SLC39A11: variants seen among roughly 807,000 people sequenced by gnomAD.
SLC39A11 encodes solute carrier family 39 member 11.
A neutral mutation model predicts 36.1 loss-of-function variants in SLC39A11; 33 were observed. That is an observed-to-expected ratio of 0.91 (90% CI 0.69 to 1.22). SLC39A11 has a LOEUF of 1.22. Ranked by LOEUF, SLC39A11 falls within the 50% of genes most tolerant of loss-of-function variation. SLC39A11 has a pLI of 0.00. For missense variants in SLC39A11, 432 were observed against 430.3 expected, an observed-to-expected ratio of 1.00 and a Z score of -0.03; for synonymous variants, 166 against 170.3, an observed-to-expected ratio of 0.97 and a Z score of 0.20.
At chr17:72,792,481 T>C (rs531281122) in intron 6 of SLC39A11, among the ~76,000 whole-genome samples, 108 of 152,304 alleles carry the variant, frequency 7.1e-4, no homozygotes, top group African/African-American at 2.4e-3. Flanking sequence ...AGCTAAGTCT[T>C]TGAGGTTTTG....
At chr17:72,742,437 G>A (rs1229573878) in intron 6 of SLC39A11, among the ~76,000 whole-genome samples, 2 of 152,154 alleles carry the variant, frequency 1.3e-5, no homozygotes, top group Non-Finnish European at 2.9e-5. Context: ...GAGGAGTCCA[G>A]GATTTACAAG....
chr17:72,975,505 T>G (rs1274181514), intron 4 of SLC39A11, among the ~76,000 whole-genome samples: 1 of 152,184 alleles, frequency 6.6e-6, no homozygotes, highest in Non-Finnish European at 1.5e-5. Context: ...CCTCACCCCT[T>G]CCGCCATGTA....
intron 5 of SLC39A11, among the ~76,000 whole-genome samples, chr17:72,932,449 C>T (rs1336069573): frequency 1.3e-5 from 2 of 150,584 alleles, no homozygotes; most frequent in Non-Finnish European, 3.0e-5. Flanking sequence ...CCCTACCCCC[C>T]ACCCCCCACA....
chr17:72,780,857 A>C (rs372835319), intron 6 of SLC39A11, among the ~76,000 whole-genome samples: 5,753 of 152,058 alleles, frequency 0.038, 329 homozygotes, highest in African/African-American at 0.13. Context: ...CGTGGTGGCA[A>C]ACGTCTGTAA....
intron 4 of SLC39A11, among the ~76,000 whole-genome samples, chr17:73,006,617 A>C (rs1270156639): frequency 1.3e-5 from 2 of 151,920 alleles, no homozygotes; most frequent in Non-Finnish European, 2.9e-5. Context: ...AAGTACCCAA[A>C]GCCTTGGGTG....
intron 4 of SLC39A11, among the ~76,000 whole-genome samples, chr17:73,020,680 CTT>C (rs71154945): frequency 2.0e-5 from 2 of 98,888 alleles, no homozygotes; most frequent in Non-Finnish European, 3.7e-5. Flanking sequence ...TTGTTTCTTT[CTT>C]TTTTTTTTTT....
intron 6 of SLC39A11, among the ~76,000 whole-genome samples, chr17:72,756,889 C>A (rs2075377366): frequency 6.6e-6 from 1 of 151,842 alleles, no homozygotes; most frequent in Admixed American, 6.6e-5. Flanking sequence ...ATGGCTCATG[C>A]CTGTAATCTC....
intron 5 of SLC39A11, among the ~76,000 whole-genome samples, chr17:72,927,542 T>C (rs1204181041): frequency 1.3e-5 from 2 of 152,150 alleles, no homozygotes; most frequent in Non-Finnish European, 2.9e-5. Context: ...CTCCCGGTGA[T>C]TATAAGGCTT....
intron 4 of SLC39A11, among the ~76,000 whole-genome samples, chr17:72,986,327 C>T (rs1182338488): frequency 6.6e-5 from 10 of 152,186 alleles, no homozygotes; most frequent in African/African-American, 2.4e-4. Flanking sequence ...CAAACCACGG[C>T]TGGGGAGCTG....
intron 6 of SLC39A11, among the ~76,000 whole-genome samples, chr17:72,824,746 A>AT (rs1195908770): frequency 6.6e-6 from 1 of 151,294 alleles, no homozygotes; most frequent in African/African-American, 2.4e-5. Context: ...GACTGCTGAC[A>AT]TTGGGCCCCT....
At position 72,862,383 on chromosome 17, in the gene SLC39A11, C is replaced by T. The variant is rs1035277430; in HGVS notation, c.431-12579G>A. ...AAATCAGAAATCAAACAGCATGGGA[C>T]TTAGTGAAATCAATATGAGGACAAA... On this transcript the variant is annotated intron_variant, in intron 5 of 9. Coordinates refer to ENST00000255559, the MANE Select transcript of SLC39A11 (RefSeq NM_139177.4). Among the ~76,000 whole-genome samples, 3 of 152,158 alleles carry T rather than the reference C, an allele frequency of 2.0e-5. 1 individual carries two copies. The highest frequency in any genetic ancestry group is 4.1e-4 in the South Asian group (2 of 4,824).
chr17:72,759,049 C>T (rs373284892), intron 6 of SLC39A11, among the ~76,000 whole-genome samples: 4 of 151,744 alleles, frequency 2.6e-5, no homozygotes, highest in Non-Finnish European at 4.4e-5. Flanking sequence ...TGCAGTGAGC[C>T]GAGATCGTGC....
At chr17:72,933,799 C>T (rs1182776860) in intron 5 of SLC39A11, among the ~76,000 whole-genome samples, 3 of 152,142 alleles carry the variant, frequency 2.0e-5, no homozygotes, top group African/African-American at 2.4e-5. Context: ...GGATTACAGG[C>T]GTGAGCCACC....
intron 6 of SLC39A11, among the ~76,000 whole-genome samples, chr17:72,777,012 C>G (rs901956015): frequency 3.9e-5 from 6 of 152,118 alleles, no homozygotes; most frequent in South Asian, 2.1e-4. Flanking sequence ...TGCCTACCTT[C>G]CTGGGGGGCC....
chr17:73,039,837 A>G (rs2059051979), intron 3 of SLC39A11, among the ~76,000 whole-genome samples: 1 of 152,220 alleles, frequency 6.6e-6, no homozygotes, highest in Non-Finnish European at 1.5e-5. Context: ...TTAACAGAAG[A>G]AAAGGCTGAC....
rs754683679 is a variant in SLC39A11 at position 72,648,801 on chromosome 17, A to G, written c.929+2T>C. On this transcript the variant is annotated splice_donor_variant, in intron 9 of 9. Coordinates refer to ENST00000255559, the MANE Select transcript of SLC39A11 (RefSeq NM_139177.4). LOFTEE classifies it high-confidence loss of function. ...ACAGACAGGGAGGGAAGGTTCTCCA[A>G]CCTGATCTGGGCTTCGGGGATGATG... 5 of 1,614,108 alleles carry G rather than the reference A, an allele frequency of 3.1e-6. No individual in the cohort carries two copies. The South Asian group carries it at 3.3e-5, about 11-fold the overall frequency.
chr17:72,670,930 A>C (rs905945636), intron 7 of SLC39A11, among the ~76,000 whole-genome samples: 1 of 152,186 alleles, frequency 6.6e-6, no homozygotes, highest in Non-Finnish European at 1.5e-5. Context: ...GCTCACTGTT[A>C]CTGGGGTATC....
chr17:73,009,111 T>C (rs915406798), intron 4 of SLC39A11, among the ~76,000 whole-genome samples: 9 of 149,306 alleles, frequency 6.0e-5, no homozygotes, highest in East Asian at 2.0e-4. Flanking sequence ...CGCCTGTAAT[T>C]TCAGCACTTT....
chr17:72,982,889 G>A (rs949813336), intron 4 of SLC39A11, among the ~76,000 whole-genome samples: 2 of 152,168 alleles, frequency 1.3e-5, no homozygotes, highest in Non-Finnish European at 2.9e-5. Flanking sequence ...TGACGACAGG[G>A]CTGCAAGTGT....
Sources: gnomAD v4.1 joint callset for allele counts (sites outside exome capture counted in the v4.1 genomes callset) on GRCh38, gnomAD v4.1.1 for gene constraint, MANE v1.5 for transcripts, NCBI Gene and HGNC (gene_info 2026-07-23, HGNC 2026-07-21) for gene names.